Variants in BIRC6 observed in about 807,000 individuals in gnomAD.
BIRC6 encodes baculoviral IAP repeat containing 6.
BIRC6 carries 98 observed loss-of-function variants against 503.3 expected under a neutral mutation model. The observed-to-expected ratio is 0.19, with a 90% CI of 0.17 to 0.23. The LOEUF is 0.23. Among genes scored for constraint, BIRC6 ranks in the 10% least tolerant of loss-of-function variants. BIRC6 has a pLI of 1.00. For synonymous variants in BIRC6, 2,240 were observed against 2,078.7 expected (o/e 1.08, Z -2.11); for missense variants, 5,360 against 5,806.0 (o/e 0.92, Z 2.50).
At chr2:32,478,430 T>G (rs1419093418) in intron 35 of BIRC6, among the ~76,000 whole-genome samples, 1 of 152,210 alleles carries the variant, frequency 6.6e-6, no homozygotes, top group Non-Finnish European at 1.5e-5. Flanking sequence ...ACTATACAAT[T>G]AGATCTTAAA....
rs771527374 is a variant in BIRC6, at chr2:32,463,373, C to A, written c.4933C>A (p.Gln1645Lys). Residue 1645 changes from glutamine to lysine, a missense_variant, in exon 24 of 74, where the codon CAG becomes AAG. Coordinates refer to ENST00000421745, the MANE Select transcript of BIRC6 (RefSeq NM_016252.4). Reference sequence around the variant, plus strand: ...GAAACAGCAGCAGCTTTTGAAGCTTCAGCAACAGGTTGGAGACTATTTGGC... The same window carrying A: ...GAAACAGCAGCAGCTTTTGAAGCTTAAGCAACAGGTTGGAGACTATTTGGC... The part of the protein sequence containing the change: ...QEKQQQLLKL[Q>K]QQKAKLEAKL... 1 of 1,611,216 alleles carries A rather than the reference C, an allele frequency of 6.2e-7. No individual in the cohort carries two copies. Among genetic ancestry groups the A allele is most frequent in the Non-Finnish European group, 8.5e-7 (1 of 1,178,736 alleles).
chr2:32,396,787 G>A (rs1335567323), intron 6 of BIRC6, among the ~76,000 whole-genome samples: 3 of 152,060 alleles, frequency 2.0e-5, no homozygotes, highest in East Asian at 1.9e-4. Flanking sequence ...GCAGTGGCGC[G>A]ATCTCGGCTC....
rs950043352 is a variant in BIRC6, at chr2:32,435,598, A to T, written c.3499+13A>T. On this transcript the variant is annotated intron_variant, in intron 14 of 73. Transcript: ENST00000421745. Reference sequence around the variant, plus strand: ...GAGGAATCACAGTGTGAGTTAAATTATAGAGCTGTTGTCCATGACAGTAAA... The same window carrying T: ...GAGGAATCACAGTGTGAGTTAAATTTTAGAGCTGTTGTCCATGACAGTAAA... 1.9e-6 allele frequency: 3 copies of T among 1,549,266 alleles called. No homozygotes were observed. The highest frequency in any genetic ancestry group is 2.7e-5 in the African/African-American group (2 of 73,016).
At chr2:32,403,632 A>G (rs1172443002) in intron 8 of BIRC6, among the ~76,000 whole-genome samples, 1 of 152,214 alleles carries the variant, frequency 6.6e-6, no homozygotes, top group East Asian at 1.9e-4. Context: ...GCTGTAAACC[A>G]AGGTACTGTT....
intron 10 of BIRC6, among the ~76,000 whole-genome samples, chr2:32,421,277 T>G (rs1314068392): frequency 6.6e-6 from 1 of 151,950 alleles, no homozygotes; most frequent in Non-Finnish European, 1.5e-5. Context: ...CAGCTAATTT[T>G]TGTATTTTTA....
rs772709931 is a variant in BIRC6 at position 32,442,139 on chromosome 2, A to G, written c.4019A>G (p.Asp1340Gly). 6.2e-7 allele frequency: 1 copy of G among 1,610,782 alleles called. No homozygotes were observed. The highest frequency in any genetic ancestry group is 8.5e-7 in the Non-Finnish European group (1 of 1,179,054). ...KLLNTLCRKTDDGQITEHAQS... is the reference protein window; with the variant it reads ...KLLNTLCRKTGDGQITEHAQS... ...CTTAATACTCTTTGCAGAAAAACAG[A>G]TGATGGCCAGATCACAGAACATGCC... Residue 1340 changes from aspartate to glycine, a missense_variant, in exon 18 of 74, where the codon GAT (aspartate) becomes GGT (glycine). By Grantham distance (94) the Asp-to-Gly change is moderately conservative. Coordinates refer to ENST00000421745, the MANE Select transcript of BIRC6 (RefSeq NM_016252.4).
intron 1 of BIRC6, among the ~76,000 whole-genome samples, chr2:32,374,884 G>A (rs2036519598): frequency 6.6e-6 from 1 of 152,136 alleles, no homozygotes; most frequent in Admixed American, 6.6e-5. Flanking sequence ...TATTATGGGT[G>A]TGAGCCACCA....
At chr2:32,369,086 A>G (rs918409368) in intron 1 of BIRC6, among the ~76,000 whole-genome samples, 3 of 152,228 alleles carry the variant, frequency 2.0e-5, no homozygotes, top group Non-Finnish European at 4.4e-5. Context: ...GTGTTTGAGT[A>G]AAGATCTGCA....
intron 66 of BIRC6, among the ~76,000 whole-genome samples, chr2:32,592,572 C>T (rs926108492): frequency 1.3e-5 from 2 of 151,022 alleles, no homozygotes; most frequent in Admixed American, 6.6e-5. Context: ...ATGTAGATGA[C>T]ATAGTATTAT....
At chr2:32,389,781 C>T (rs982620947) in intron 4 of BIRC6, among the ~76,000 whole-genome samples, 1 of 152,184 alleles carries the variant, frequency 6.6e-6, no homozygotes, top group Admixed American at 6.5e-5. Flanking sequence ...ACTGCAACCT[C>T]TGCCTCCCAG....
chr2:32,596,557 G>T (rs997881681), intron 68 of BIRC6, among the ~76,000 whole-genome samples: 1 of 151,528 alleles, frequency 6.6e-6, no homozygotes, highest in Admixed American at 6.6e-5. Context: ...TGCCTGTTAT[G>T]ACCTTGTCTT....
At chr2:32,521,492 G>A (rs189188721) in intron 57 of BIRC6, among the ~76,000 whole-genome samples, 1 of 150,238 alleles carries the variant, frequency 6.7e-6, no homozygotes, top group South Asian at 2.1e-4. Context: ...TTTGTTTTGA[G>A]ACGGAGTCTC....
chr2:32,440,766 A>T (rs1319265181), intron 16 of BIRC6, among the ~76,000 whole-genome samples: 1 of 149,684 alleles, frequency 6.7e-6, no homozygotes, highest in Non-Finnish European at 1.5e-5. Context: ...TATTATTATT[A>T]TTATTATTAT....
At chr2:32,449,748 C>G (rs1210273856) in intron 22 of BIRC6, among the ~76,000 whole-genome samples, 1 of 152,010 alleles carries the variant, frequency 6.6e-6, no homozygotes, top group Non-Finnish European at 1.5e-5. Flanking sequence ...CCCAACCTTT[C>G]CACCCTCTTA....
At chr2:32,500,214 T>C in intron 46 of BIRC6, 105 bp downstream of exon 46, 1 of 1,027,134 alleles carries the variant, frequency 9.7e-7, no homozygotes. Context: ...AGTGTAAAAC[T>C]GCTTTAAGCT....
chr2:32,412,993 A>G (rs1280258645), intron 9 of BIRC6, among the ~76,000 whole-genome samples: 3 of 151,170 alleles, frequency 2.0e-5, no homozygotes, highest in African/African-American at 7.3e-5. Flanking sequence ...AAGAGAATAT[A>G]TTTTGAATTG....
At chr2:32,539,760 G>C (rs940880407) in intron 61 of BIRC6, among the ~76,000 whole-genome samples, 5 of 151,888 alleles carry the variant, frequency 3.3e-5, no homozygotes, top group Admixed American at 2.6e-4. Context: ...AAAAACAGGA[G>C]TACAATTAAC....
At chr2:32,538,358 C>T (rs771583015) in intron 61 of BIRC6, among the ~76,000 whole-genome samples, 9 of 151,956 alleles carry the variant, frequency 5.9e-5, no homozygotes, top group African/African-American at 1.2e-4. Flanking sequence ...TGTCTGTCAC[C>T]GAGAGGATAC....
chr2:32,472,918 A>T (rs779680842), intron 32 of BIRC6, 194 bp from the exon 33 acceptor site: 11 of 490,436 alleles, frequency 2.2e-5, no homozygotes, highest in Non-Finnish European at 3.6e-5. Context: ...TTTAGGGTCT[A>T]CATTAGATAA....
Sources: gnomAD v4.1 joint callset for allele counts (sites outside exome capture counted in the v4.1 genomes callset) on GRCh38, gnomAD v4.1.1 for gene constraint, MANE v1.5 for transcripts, NCBI Gene and HGNC (gene_info 2026-07-23, HGNC 2026-07-21) for gene names.